Variants in IKBKE observed in about 807,000 individuals in gnomAD.
IKBKE encodes inhibitor of nuclear factor kappa B kinase subunit epsilon.
IKBKE carries 45 observed loss-of-function variants against 92.1 expected under a neutral mutation model. The ratio of observed to expected loss-of-function variants is 0.49; its 90% confidence interval spans 0.38 to 0.63. The LOEUF is 0.63. Among genes scored for constraint, IKBKE ranks in the 20% least tolerant of loss-of-function variants. IKBKE has a pLI of 0.00. For synonymous variants in IKBKE, 374 were observed against 380.3 expected (o/e 0.98, Z 0.19); for missense variants, 700 against 932.8 (o/e 0.75, Z 3.25).
At chr1:206,489,369 G>GTATATATATATGTGTGTATA (rs1665824921) in intron 16 of IKBKE, among the ~76,000 whole-genome samples, 1 of 119,210 alleles carries the variant, frequency 8.4e-6, no homozygotes, top group African/African-American at 3.5e-5. Context: ...GTGTGTGTGT[G>GTATATATATATGTGTGTATA]TATATATATA....
In IKBKE at chr1:206,478,435, G is replaced by T; in HGVS notation, c.992+96G>T. The T allele has an allele frequency of 7.9e-6, 10 of 1,262,352 alleles. No individual in the cohort carries two copies. The highest frequency in any genetic ancestry group is 1.1e-5 in the Non-Finnish European group (10 of 884,542). 78.2% of individuals were successfully genotyped at this position (1,262,352 alleles called of 1,614,324 possible). A position where few individuals can be genotyped will look rare whatever the true frequency, so the allele number is the denominator to read the frequency against. The stretch of plus-strand genomic sequence containing the variant: ...CATCTCCCACAGTACGTTCTGAGGA[G>T]TGTGTACATAGGAACGCTTCCAGGT... On this transcript the variant is annotated intron_variant, in intron 9 of 21. Coordinates refer to ENST00000581977, the MANE Select transcript of IKBKE (RefSeq NM_014002.4). This position sits in a 1 kb window ranked among gnomAD's most constrained non-coding sequence, Gnocchi z 4.8.
chr1:206,475,082 C>A (rs891189401), intron 5 of IKBKE, 88 bp downstream of exon 5: 1 of 1,325,946 alleles, frequency 7.5e-7, no homozygotes, highest in Non-Finnish European at 1.0e-6. Flanking sequence ...CTGACTCCTG[C>A]TAATCATTCC....
In IKBKE at chr1:206,496,129, C is replaced by T. The variant is rs782762370; in HGVS notation, c.2135C>T (p.Ala712Val). ...TCTTGTAGGCTAAATAGAGTCCCAG[C>T]ACCTCCTGATGTCTGAGCTCCATGG... is the stretch of plus-strand genomic sequence containing the variant. ...RIIERLNRVP[A>V]PPDV Residue 712 changes from alanine (A) to valine (V), a missense_variant, in exon 22 of 22, where the codon GCA becomes GTA. Ala to Val is a moderately conservative substitution (Grantham distance 64, BLOSUM62 0). Coordinates refer to ENST00000581977, the MANE Select transcript of IKBKE (RefSeq NM_014002.4). The T allele has an allele frequency of 1.2e-6, 2 of 1,613,538 alleles. No individual in the cohort carries two copies. The highest frequency in any genetic ancestry group is 1.7e-6 in the Non-Finnish European group (2 of 1,179,450).
At chr1:206,495,820 T>C (rs1263390781) in intron 21 of IKBKE, among the ~76,000 whole-genome samples, 1 of 152,216 alleles carries the variant, frequency 6.6e-6, no homozygotes, top group Non-Finnish European at 1.5e-5. Context: ...AAACCTTGGC[T>C]ACACACTGGA....
At chr1:206,488,093 A>T in intron 16 of IKBKE, 103 bp downstream of exon 16, 1 of 818,594 alleles carries the variant, frequency 1.2e-6, no homozygotes, top group Non-Finnish European at 2.0e-6. Flanking sequence ...ACCTCCAGCT[A>T]AGTGGCCGCT....
intron 13 of IKBKE, among the ~76,000 whole-genome samples, chr1:206,484,325 G>A (rs1319182122): frequency 6.6e-6 from 1 of 152,154 alleles, no homozygotes; most frequent in Non-Finnish European, 1.5e-5. Flanking sequence ...ATGGATTCCA[G>A]TTGAACATTT....
In IKBKE at chr1:206,473,200, A is replaced by T; in HGVS notation, c.-28A>T. 1 of 1,581,544 alleles carries T rather than the reference A, an allele frequency of 6.3e-7. No homozygotes were observed. Among genetic ancestry groups the T allele is most frequent in the Non-Finnish European group, 8.7e-7 (1 of 1,154,918 alleles). ...CCCAGCATGCTCTTTCTCTAGGCAG[A>T]AGGTGACCAGCCAGCTCAGGGCAGG... On this transcript the variant is annotated 5_prime_UTR_variant, in exon 3 of 22. Transcript: ENST00000581977.
At chr1:206,489,363 G>GTGTGTGTATATATATGTATATATATA (rs1203687593) in intron 16 of IKBKE, among the ~76,000 whole-genome samples, 1 of 28,338 alleles carries the variant, frequency 3.5e-5, no homozygotes, top group African/African-American at 8.8e-5. Context: ...GTGTGTGTGT[G>GTGTGTGTATATATATGTATATATATA]TGTGTGTATA....
chr1:206,476,936 A>G lies in IKBKE; in HGVS notation c.701+98A>G, dbSNP rs983781522. The stretch of plus-strand genomic sequence containing the variant: ...GTGTCTTCTGGTCCCCTCACACTCC[A>G]TGGCCCTCCTCTGGTCCACCCCCCA... On this transcript the variant is annotated intron_variant, in intron 7 of 21. Coordinates refer to ENST00000581977, the MANE Select transcript of IKBKE (RefSeq NM_014002.4). This position sits in a 1 kb window ranked among gnomAD's most constrained non-coding sequence, Gnocchi z 5.1. 1.3e-5 allele frequency: 18 copies of G among 1,349,544 alleles called. No homozygotes were observed. The highest frequency in any genetic ancestry group is 1.9e-5 in the Non-Finnish European group (18 of 966,132). 83.6% of individuals were successfully genotyped at this position (1,349,544 alleles called of 1,614,324 possible).
At chr1:206,492,815 C>T (rs1480432317) in intron 18 of IKBKE, 3 of 674,778 alleles carry the variant, frequency 4.4e-6, no homozygotes, top group African/African-American at 3.5e-5. Context: ...CTGAAGGGGG[C>T]CTCCCAGCCT....
At chr1:206,492,969 TG>T in intron 18 of IKBKE, 53 bp from the exon 19 acceptor site, 1 of 1,476,164 alleles carries the variant, frequency 6.8e-7, no homozygotes, top group Non-Finnish European at 9.3e-7. Flanking sequence ...AGGCGAGCCC[TG>T]GGGAATGGGC....
chr1:206,470,875 G>A (rs1664737973), intron 1 of IKBKE, among the ~76,000 whole-genome samples, 177 bp downstream of exon 1: 1 of 152,182 alleles, frequency 6.6e-6, no homozygotes, highest in South Asian at 2.1e-4. Context: ...AGCCCTCCCT[G>A]GGCTCTGCTT....
rs1553384578 is a variant in IKBKE, at chr1:206,474,335, C to G, written c.92C>G (p.Ser31Cys). 7 of 1,612,290 alleles carry G rather than the reference C, an allele frequency of 4.3e-6. No homozygotes were observed. The South Asian group carries it at 6.6e-5, about 15-fold the overall frequency. Residue 31 changes from serine (S) to cysteine (C), a missense_variant, in exon 4 of 22, where the codon TCC becomes TGC. By Grantham distance (112) the Ser-to-Cys change is moderately radical. Coordinates refer to ENST00000581977, the MANE Select transcript of IKBKE (RefSeq NM_014002.4). ...CTGCTCCCTCCCCAATGGCAGAAAT[C>G]CGGAGAGCTGGTTGCTGTGAAGGTC... ...ASVYKARNKK[S>C]GELVAVKVFN...
Position 206,493,007 on chromosome 1 carries a change from T to C in IKBKE, c.1836-16T>C. 1 of 1,555,898 alleles carries C rather than the reference T, an allele frequency of 6.4e-7. No individual in the cohort carries two copies. Among genetic ancestry groups the C allele is most frequent in the Non-Finnish European group, 8.7e-7 (1 of 1,148,426 alleles). On this transcript the variant is annotated splice_polypyrimidine_tract_variant and intron_variant, in intron 18 of 21. Transcript: ENST00000581977. Reference sequence around the variant, plus strand: ...GAGTCCTGCTCTAATTCTAAGTCTCTGTGTGTTCTCTTGAGGGTGGTGCAC... The same window carrying C: ...GAGTCCTGCTCTAATTCTAAGTCTCCGTGTGTTCTCTTGAGGGTGGTGCAC...
rs1307113841 is a variant in IKBKE, at chr1:206,490,750, C to T, written c.1694-69C>T. 6.0e-6 allele frequency: 9 copies of T among 1,509,558 alleles called. No individual in the cohort carries two copies. Among genetic ancestry groups the T allele is most frequent in the East Asian group, 4.5e-5 (2 of 44,406 alleles). The allele number at this position is 1,509,558 out of a possible 1,614,324, so 93.5% of individuals were successfully genotyped here. A position where few individuals can be genotyped will look rare whatever the true frequency, so the allele number is the denominator to read the frequency against. On this transcript the variant is annotated intron_variant, in intron 16 of 21. Coordinates refer to ENST00000581977, the MANE Select transcript of IKBKE (RefSeq NM_014002.4). The surrounding 1 kb of genome is among the most constrained non-coding windows in gnomAD (Gnocchi z 5.2). ...CCGTCTTCATCTTTTAACTGTCTCT[C>T]GACCTTTGCTGCACACTGTTTCGTT...
intron 13 of IKBKE, 79 bp downstream of exon 13, chr1:206,480,612 C>A: frequency 1.1e-6 from 1 of 944,684 alleles, no homozygotes; most frequent in Non-Finnish European, 1.5e-6. Context: ...TCCAACAATG[C>A]ACCTCTTCTC....
rs57402838 is a variant in IKBKE at position 206,472,587 on chromosome 1, T to TCACACACA, written c.-32-591_-32-584dup. On this transcript the variant is annotated intron_variant, in intron 2 of 21. Transcript: ENST00000581977. ...TACACACATACACACACACACACTC[T>TCACACACA]CACACACACACACACACACACACAC... Among the ~76,000 whole-genome samples the TCACACACA allele has an allele frequency of 3.9e-3, 586 of 150,090 alleles. 1 individual carries two copies. Among genetic ancestry groups the TCACACACA allele is most frequent in the African/African-American group, 0.013 (544 of 40,860 alleles).
In IKBKE at chr1:206,493,397, G is replaced by C; in HGVS notation, c.2045+19G>C. On this transcript the variant is annotated intron_variant, in intron 20 of 21. Coordinates refer to ENST00000581977, the MANE Select transcript of IKBKE (RefSeq NM_014002.4). ...TTCTCCAGTAAGTGCTGGGGAGAAA[G>C]CGGTTGTGTATCTGTGTGGAAGGGG... 1 of 1,573,406 alleles carries C rather than the reference G, an allele frequency of 6.4e-7. No individual in the cohort carries two copies. Among genetic ancestry groups the C allele is most frequent in the Non-Finnish European group, 8.7e-7 (1 of 1,143,168 alleles).
At chr1:206,483,448 T>C (rs540178441) in intron 13 of IKBKE, among the ~76,000 whole-genome samples, 1 of 152,196 alleles carries the variant, frequency 6.6e-6, no homozygotes. Context: ...CGGACTACCA[T>C]GTGCCGAACA....
Sources: allele counts gnomAD v4.1 joint callset (sites outside exome capture counted in the v4.1 genomes callset), GRCh38; gene constraint gnomAD v4.1.1; non-coding constraint Gnocchi (gnomAD v3.1); transcripts MANE v1.5; gene names NCBI Gene and HGNC (gene_info 2026-07-23, HGNC 2026-07-21).